The following L3MBTL3 variants were observed in gnomAD, a reference collection of about 807,000 sequenced individuals.
The protein encoded by L3MBTL3 is lethal(3)malignant brain tumor-like protein 3.
A neutral mutation model predicts 102.3 loss-of-function variants in L3MBTL3; 27 were observed. The ratio of observed to expected loss-of-function variants is 0.26; its 90% CI spans 0.19 to 0.36. The LOEUF (loss-of-function observed/expected upper bound fraction) is 0.36, where lower values mean the gene tolerates loss of function less well. L3MBTL3 is among the 10% of genes least tolerant of loss of function. The pLI is 1.00. For synonymous variants in L3MBTL3, 340 were observed against 320.9 expected (o/e 1.06, Z -0.64); for missense variants, 798 against 955.3 (o/e 0.84, Z 2.17).
intron 10 of L3MBTL3, among the ~76,000 whole-genome samples, chr6:130,063,621 T>C (rs1158149899): frequency 2.0e-5 from 3 of 152,188 alleles, no homozygotes; most frequent in African/African-American, 7.2e-5. Context: ...AGACACCTCA[T>C]TTAATGTATA....
chr6:130,083,543 T>C, intron 14 of L3MBTL3, 77 bp from the exon 15 acceptor site: 2 of 620,720 alleles, frequency 3.2e-6, no homozygotes, highest in Non-Finnish European at 5.6e-6. Context: ...TAATATTTTA[T>C]AATTTTTGTT....
At chr6:130,055,378 T>C (rs917780622) in intron 8 of L3MBTL3, 123 bp downstream of exon 8, 5 of 697,744 alleles carry the variant, frequency 7.2e-6, no homozygotes, top group East Asian at 2.9e-5. Flanking sequence ...TTCAGTTTGG[T>C]CAATAAAGAT....
At chr6:130,098,863 CTTTTTTT>C (rs11332477) in intron 18 of L3MBTL3, among the ~76,000 whole-genome samples, 3 of 118,516 alleles carry the variant, frequency 2.5e-5, no homozygotes, top group Middle Eastern at 9.5e-3. Context: ...GTGTGTTTTT[CTTTTTTT>C]TTTTTTTTTT....
chr6:130,060,694 A>T (rs542716756), intron 10 of L3MBTL3, among the ~76,000 whole-genome samples: 1 of 150,510 alleles, frequency 6.6e-6, no homozygotes, highest in South Asian at 2.1e-4. Context: ...ACAGACCAAC[A>T]GATACTTATT....
At position 130,140,378 on chromosome 6, in the gene L3MBTL3, G is replaced by C. The variant is rs535122424; in HGVS notation, c.*625G>C. The C allele has an allele frequency of 5.2e-5, 8 of 152,530 alleles. No individual in the cohort carries two copies. The East Asian group carries it at 1.5e-3, about 29-fold the overall frequency. The allele number at this position is 152,530 out of a possible 1,614,324, so 9.4% of individuals were successfully genotyped here. The stretch of plus-strand genomic sequence containing the variant: ...TGAATCAGTATTTTTCCTTTTGCAC[G>C]CATTATGAAATGTTAAACAAATTAC... On this transcript the variant is annotated 3_prime_UTR_variant, in exon 23 of 23. Coordinates refer to ENST00000361794, the MANE Select transcript of L3MBTL3 (RefSeq NM_032438.4).
intron 10 of L3MBTL3, among the ~76,000 whole-genome samples, chr6:130,065,952 C>T (rs994045771): frequency 2.0e-5 from 3 of 152,150 alleles, no homozygotes; most frequent in African/African-American, 7.2e-5. Context: ...GGTCTGCAGC[C>T]TTCAGTGCAG....
At chr6:130,037,883 A>G (rs912565694) in intron 2 of L3MBTL3, among the ~76,000 whole-genome samples, 1 of 152,126 alleles carries the variant, frequency 6.6e-6, no homozygotes, top group Non-Finnish European at 1.5e-5. Context: ...TACTTCTCTT[A>G]TGTAACTGTA....
intron 2 of L3MBTL3, among the ~76,000 whole-genome samples, chr6:130,033,302 C>T (rs1443107652): frequency 2.0e-5 from 3 of 152,128 alleles, no homozygotes; most frequent in South Asian, 2.1e-4. Context: ...TGAAAAATGA[C>T]GTTTAGGAGT....
intron 18 of L3MBTL3, among the ~76,000 whole-genome samples, chr6:130,100,098 A>AT (rs1301667581): frequency 1.3e-5 from 2 of 152,220 alleles, no homozygotes; most frequent in Non-Finnish European, 2.9e-5. Flanking sequence ...TCAGGAACTG[A>AT]TTGAAGACAC....
chr6:130,123,094 T>A (rs1265799854), intron 20 of L3MBTL3, among the ~76,000 whole-genome samples: 1 of 152,198 alleles, frequency 6.6e-6, no homozygotes, highest in Non-Finnish European at 1.5e-5. Context: ...TAACTCAGTG[T>A]TTATTTAACT....
chr6:130,081,013 C>A (rs542428636), intron 14 of L3MBTL3, among the ~76,000 whole-genome samples: 2 of 152,334 alleles, frequency 1.3e-5, no homozygotes, highest in South Asian at 4.1e-4. Context: ...TTCCTTCACC[C>A]CCTTGTACTT....
In L3MBTL3 at chr6:130,055,206, G is replaced by C. The variant is rs202081986; in HGVS notation, c.618G>C (p.Ser206=). 3 of 1,613,692 alleles carry C rather than the reference G, an allele frequency of 1.9e-6. No individual in the cohort carries two copies. Among genetic ancestry groups the C allele is most frequent in the African/African-American group, 2.7e-5 (2 of 75,002 alleles). The change falls in exon 8 of 23, where the codon TCG becomes TCC. Residue 206 remains serine, a synonymous_variant. Coordinates refer to ENST00000361794, the MANE Select transcript of L3MBTL3 (RefSeq NM_032438.4). ...NKQDVRILRG[S]QRARRKRRGD... is the part of the protein sequence containing the mutation. ...AAGATGTAAGAATCCTGAGGGGTTC[G>C]CAGAGAGCACGGAGGAAAAGACGAG...
At chr6:130,120,604 A>T (rs572102389) in intron 19 of L3MBTL3, among the ~76,000 whole-genome samples, 16 of 152,256 alleles carry the variant, frequency 1.1e-4, no homozygotes, top group Non-Finnish European at 2.1e-4. Context: ...ATTGTAGTTG[A>T]ATTATTCAAT....
chr6:130,098,863 CTTTTTTTTTTT>C (rs11332477), intron 18 of L3MBTL3, among the ~76,000 whole-genome samples: 3 of 118,524 alleles, frequency 2.5e-5, no homozygotes, highest in African/African-American at 6.0e-5. Flanking sequence ...GTGTGTTTTT[CTTTTTTTTTTT>C]TTTTTTTTTT....
rs191870769 is a variant in L3MBTL3 at position 130,026,235 on chromosome 6, A to G, written c.-16+3930A>G. 7.5e-3 allele frequency among the ~76,000 whole-genome samples: 1,136 copies of G among 152,236 alleles called. 64 individuals are homozygous for G. Among genetic ancestry groups the G allele is most frequent in the Admixed American group, 0.068 (1,047 of 15,286 alleles). On this transcript the variant is annotated intron_variant, in intron 2 of 22. Coordinates refer to ENST00000361794, the MANE Select transcript of L3MBTL3 (RefSeq NM_032438.4). ...AAAAAATACTTTGAGTGCTTTCTGT[A>G]TGCCCAGGTACTGTTCTAGGCACTG...
intron 20 of L3MBTL3, 74 bp downstream of exon 20, chr6:130,121,032 A>G (rs1464086301): frequency 3.2e-5 from 28 of 881,260 alleles, no homozygotes; most frequent in Non-Finnish European, 5.1e-5. Flanking sequence ...TAACTGGAAT[A>G]CAACAGTCTC....
intron 13 of L3MBTL3, among the ~76,000 whole-genome samples, chr6:130,071,992 T>C (rs1351475147): frequency 6.6e-6 from 1 of 152,174 alleles, no homozygotes; most frequent in African/African-American, 2.4e-5. Flanking sequence ...CTTTCTATTA[T>C]ATGTTACCTA....
intron 19 of L3MBTL3, among the ~76,000 whole-genome samples, chr6:130,117,548 A>G (rs1023880302): frequency 2.6e-5 from 4 of 152,122 alleles, no homozygotes; most frequent in Non-Finnish European, 5.9e-5. Flanking sequence ...CTAAAATAAC[A>G]TTTTGCTTAG....
intron 10 of L3MBTL3, among the ~76,000 whole-genome samples, chr6:130,061,730 A>G (rs777730718): frequency 6.6e-6 from 1 of 152,110 alleles, no homozygotes; most frequent in Non-Finnish European, 1.5e-5. Context: ...TTTGAAGTGG[A>G]TGATATTGCC....
Sources: allele counts gnomAD v4.1 joint callset (sites outside exome capture counted in the v4.1 genomes callset), GRCh38; gene constraint gnomAD v4.1.1; transcripts MANE v1.5; gene names NCBI Gene and HGNC (gene_info 2026-07-23, HGNC 2026-07-21).